The following ZNF423 variants were observed in gnomAD, a reference collection of about 807,000 sequenced individuals.
ZNF423 encodes the protein zinc finger protein 423.
In ZNF423, 12 loss-of-function variants were observed where a neutral mutation model predicts 95.8. That is an observed-to-expected ratio of 0.13 (90% CI 0.08 to 0.20). The LOEUF is 0.20. Ranked by LOEUF, ZNF423 falls within the 10% of genes least tolerant of loss-of-function variation. The pLI, the probability that ZNF423 is intolerant of heterozygous loss-of-function variation, is 1.00. For missense variants in ZNF423, 1,316 were observed against 1,737.1 expected (o/e 0.76, Z 4.31); for synonymous variants, 749 against 711.9 (o/e 1.05, Z -0.83).
At chr16:49,546,149 T>A (rs1969429740) in intron 5 of ZNF423, among the ~76,000 whole-genome samples, 1 of 152,160 alleles carries the variant, frequency 6.6e-6, no homozygotes, top group South Asian at 2.1e-4. Flanking sequence ...ATGCAAGACA[T>A]CTTTTCACTA....
intron 5 of ZNF423, among the ~76,000 whole-genome samples, chr16:49,612,409 TAAA>T (rs35731470): frequency 1.4e-4 from 18 of 128,950 alleles, no homozygotes; most frequent in East Asian, 6.7e-4. Context: ...ATAGGTACAG[TAAA>T]AAAAAAAAAA....
Position 49,814,101 on chromosome 16 carries a change from T to C in ZNF423, c.41-24555A>G, listed in dbSNP as rs149321539. ...AGGCGTGAGGTCGAAGGCTGTGGGC[T>C]GCCAGGGTCCAAGAGCCAGGCCCTG... On this transcript the variant is annotated intron_variant, in intron 1 of 7. Transcript: ENST00000563137. Among the ~76,000 whole-genome samples the C allele has an allele frequency of 7.1e-3, 1,085 of 152,328 alleles. 10 individuals are homozygous for C. Among genetic ancestry groups the C allele is most frequent in the South Asian group, 0.029 (140 of 4,830 alleles).
At chr16:49,730,542 G>C in intron 3 of ZNF423, 1 of 578,094 alleles carries the variant, frequency 1.7e-6, no homozygotes, top group Non-Finnish European at 3.1e-6. Context: ...GGGGAGAGGG[G>C]GCCGGGACAG....
intron 1 of ZNF423, chr16:49,853,941 C>T: frequency 7.1e-6 from 7 of 985,426 alleles, no homozygotes; most frequent in East Asian, 1.1e-4. Flanking sequence ...GTTTTTCCAA[C>T]CAGAAATTCC....
intron 2 of ZNF423, among the ~76,000 whole-genome samples, chr16:49,779,329 T>A (rs746912470): frequency 2.6e-5 from 4 of 151,796 alleles, no homozygotes; most frequent in Non-Finnish European, 5.9e-5. Flanking sequence ...CAAAATTATG[T>A]CAGGGCTATC....
intron 5 of ZNF423, among the ~76,000 whole-genome samples, chr16:49,538,053 T>C (rs2151732493): frequency 6.6e-6 from 1 of 152,354 alleles, no homozygotes; most frequent in Non-Finnish European, 1.5e-5. Context: ...AGGTCTGGGC[T>C]GATCCCATCC....
intron 3 of ZNF423, among the ~76,000 whole-genome samples, chr16:49,677,142 C>T (rs1290721564): frequency 2.0e-5 from 3 of 149,460 alleles, no homozygotes; most frequent in East Asian, 2.0e-4. Context: ...CGCTGGAACC[C>T]GGGAGGCGAA....
intron 4 of ZNF423, among the ~76,000 whole-genome samples, chr16:49,630,664 A>G (rs755797184): frequency 1.1e-4 from 16 of 152,232 alleles, no homozygotes; most frequent in Non-Finnish European, 1.6e-4. Context: ...CATGCAGGGA[A>G]CAGTCCATGA....
intron 1 of ZNF423, among the ~76,000 whole-genome samples, chr16:49,795,318 C>T (rs2034480524): frequency 6.6e-6 from 1 of 152,204 alleles, no homozygotes; most frequent in African/African-American, 2.4e-5. Context: ...CCCACCCCAT[C>T]ACACTAGAGT....
chr16:49,760,973 CAT>C lies in ZNF423; in HGVS notation c.100+28512_100+28513del, dbSNP rs375659081. Among the ~76,000 whole-genome samples, 66 of 151,970 alleles carry C rather than the reference CAT, an allele frequency of 4.3e-4. 1 individual carries two copies. The East Asian group carries it at 8.9e-3, about 20-fold the overall frequency. ...GCATACATGCATGCACATGAACACA[CAT>C]ATGCATATACGCACACACGCACACA... On this transcript the variant is annotated intron_variant, in intron 2 of 7. Transcript: ENST00000563137.
At chr16:49,783,046 G>A (rs2034239553) in intron 2 of ZNF423, among the ~76,000 whole-genome samples, 1 of 151,918 alleles carries the variant, frequency 6.6e-6, no homozygotes, top group South Asian at 2.1e-4. Context: ...ATTTCCACAT[G>A]GTCGTGTTGG....
chr16:49,548,495 T>G (rs1028513792), intron 5 of ZNF423, among the ~76,000 whole-genome samples: 2 of 151,954 alleles, frequency 1.3e-5, no homozygotes, highest in Non-Finnish European at 2.9e-5. Context: ...GTGTACTAGT[T>G]GTAAATTATG....
intron 4 of ZNF423, among the ~76,000 whole-genome samples, chr16:49,632,061 T>C (rs779578765): frequency 6.6e-6 from 1 of 152,144 alleles, no homozygotes; most frequent in Non-Finnish European, 1.5e-5. Context: ...AAAATGGGTA[T>C]GAGAACACCT....
chr16:49,669,039 A>G (rs2030678218), intron 3 of ZNF423, among the ~76,000 whole-genome samples: 1 of 152,058 alleles, frequency 6.6e-6, no homozygotes, highest in South Asian at 2.1e-4. Flanking sequence ...ATGGTCTTAA[A>G]TCCATCTCAA....
chr16:49,591,535 TA>T (rs1415798630), intron 5 of ZNF423, among the ~76,000 whole-genome samples: 1 of 147,662 alleles, frequency 6.8e-6, no homozygotes, highest in Non-Finnish European at 1.5e-5. Context: ...TGTGCAAAAA[TA>T]GGGCATTATA....
Position 49,636,614 on chromosome 16 carries a change from G to C in ZNF423, c.2562C>G (p.Pro854=). The C allele has an allele frequency of 6.2e-7, 1 of 1,613,920 alleles. No individual in the cohort carries two copies. Among genetic ancestry groups the C allele is most frequent in the Admixed American group, 1.7e-5 (1 of 60,012 alleles). ...ATENGTANGV[P]PMATKKAEPA... ...GCTCAGCTTTCTTGGTGGCCATTGG[G>C]GGTACCCCATTGGCCGTGCCGTTCT... is the stretch of plus-strand genomic sequence containing the variant. The change falls in exon 4 of 8, where the codon CCC becomes CCG. Residue 854 remains proline, a synonymous_variant. Coordinates refer to ENST00000563137, the MANE Select transcript of ZNF423 (RefSeq NM_001379286.1). This position sits in a 1 kb window ranked among gnomAD's most constrained non-coding sequence, Gnocchi z 8.6.
intron 5 of ZNF423, among the ~76,000 whole-genome samples, chr16:49,611,246 T>A (rs1372721916): frequency 1.3e-5 from 2 of 152,044 alleles, no homozygotes; most frequent in Non-Finnish European, 2.9e-5. Flanking sequence ...ACAGACCATA[T>A]CATGGGTCAT....
intron 3 of ZNF423, among the ~76,000 whole-genome samples, chr16:49,648,344 A>G (rs542011197): frequency 9.9e-5 from 15 of 152,166 alleles, no homozygotes; most frequent in Non-Finnish European, 1.6e-4. Flanking sequence ...AAAGATTAAG[A>G]AAAGAACTGT....
Position 49,718,471 on chromosome 16 carries a change from T to A in ZNF423, c.301+12300A>T, listed in dbSNP as rs117521516. Among the ~76,000 whole-genome samples, 8 of 152,306 alleles carry A rather than the reference T, an allele frequency of 5.3e-5. No homozygotes were observed. In the East Asian group the frequency reaches 1.5e-3, roughly 29 times the overall value. ...GATGCTGTGGTTCTAAGGAACACAC[T>A]TCTCTTTCATCCGTTAAGTTTGCTT... On this transcript the variant is annotated intron_variant, in intron 3 of 7. Coordinates refer to ENST00000563137, the MANE Select transcript of ZNF423 (RefSeq NM_001379286.1).
Sources: allele counts gnomAD v4.1 joint callset (sites outside exome capture counted in the v4.1 genomes callset), GRCh38; gene constraint gnomAD v4.1.1; non-coding constraint Gnocchi (gnomAD v3.1); transcripts MANE v1.5; gene names NCBI Gene and HGNC (gene_info 2026-07-23, HGNC 2026-07-21).